Variants in TRDN observed in about 807,000 individuals in gnomAD.
The protein encoded by TRDN is triadin, also known as triadin in skeletal muscle.
A neutral mutation model predicts 149.7 loss-of-function variants in TRDN; 161 were observed. The ratio of observed to expected loss-of-function variants is 1.08; its 90% confidence interval spans 0.95 to 1.23. The LOEUF (loss-of-function observed/expected upper bound fraction) is 1.23, where lower values mean the gene tolerates loss of function less well. Among genes scored for constraint, TRDN ranks in the 50% most tolerant of loss-of-function variants. TRDN has a pLI of 0.00. For synonymous variants in TRDN, 294 were observed against 250.5 expected, an observed-to-expected ratio of 1.17 and a Z score of -1.64; for missense variants, 896 against 823.5, an observed-to-expected ratio of 1.09 and a Z score of -1.08.
intron 1 of TRDN, among the ~76,000 whole-genome samples, chr6:123,588,920 C>T (rs1291074146): frequency 6.6e-6 from 1 of 152,010 alleles, no homozygotes; most frequent in African/African-American, 2.4e-5. Context: ...AAATCATGGC[C>T]AGGATTCCTT....
chr6:123,292,669 C>T (rs553946341), intron 24 of TRDN, among the ~76,000 whole-genome samples: 1 of 152,122 alleles, frequency 6.6e-6, no homozygotes, highest in South Asian at 2.1e-4. Context: ...TCATTGAGTA[C>T]CCCCTCTGCT....
At chr6:123,285,823 A>G (rs1777784264) in intron 24 of TRDN, among the ~76,000 whole-genome samples, 1 of 152,100 alleles carries the variant, frequency 6.6e-6, no homozygotes, top group South Asian at 2.1e-4. Flanking sequence ...TCTACAAGGA[A>G]CTCAAACAAA....
chr6:123,273,341 T>C lies in TRDN; in HGVS notation c.1620A>G (p.Ile540Met), dbSNP rs7771303. ...AKPAISEKVQ[I>M]HKQDIVKPEK... ...AAAGATAAAATTAATACATACTGTGTATTTGCACTTTTTCAGATATAGCTA... is the reference window on the plus strand; with the variant it reads ...AAAGATAAAATTAATACATACTGTGCATTTGCACTTTTTCAGATATAGCTA... Residue 540 changes from isoleucine (I) to methionine (M), a missense_variant, in exon 28 of 41, where the codon ATA becomes ATG. Ile to Met is a conservative substitution (Grantham distance 10). Transcript: ENST00000334268. 7.1e-3 allele frequency: 7,524 copies of C among 1,054,006 alleles called. 238 individuals are homozygous for C. The highest frequency in any genetic ancestry group is 0.063 in the South Asian group (3,739 of 59,316). 65.3% of individuals were successfully genotyped at this position (1,054,006 alleles called of 1,614,324 possible). A position where few individuals can be genotyped will look rare whatever the true frequency, so the allele number is the denominator to read the frequency against.
At chr6:123,453,248 A>T (rs1238909608) in intron 10 of TRDN, among the ~76,000 whole-genome samples, 5 of 152,284 alleles carry the variant, frequency 3.3e-5, no homozygotes, top group Non-Finnish European at 7.4e-5. Context: ...AAACAAAGAT[A>T]AATAGCTGGG....
intron 23 of TRDN, among the ~76,000 whole-genome samples, chr6:123,330,778 T>G (rs1779631583): frequency 6.6e-6 from 1 of 152,072 alleles, no homozygotes; most frequent in Admixed American, 6.6e-5. Flanking sequence ...TTTTATACAT[T>G]GCTACACTCA....
At chr6:123,269,725 A>T (rs1165726364) in intron 31 of TRDN, 124 bp downstream of exon 31, 1 of 847,328 alleles carries the variant, frequency 1.2e-6, no homozygotes, top group Non-Finnish European at 1.8e-6. Context: ...TTAATTTATT[A>T]TTAACAGTTA....
rs375140711 is a variant in TRDN at position 123,347,529 on chromosome 6, GTGTAA to G, written c.1369+5005_1369+5009del. 4.9e-3 allele frequency among the ~76,000 whole-genome samples: 748 copies of G among 152,102 alleles called. 4 individuals carry two copies. The highest frequency in any genetic ancestry group is 0.017 in the African/African-American group (707 of 41,524). ...TTCCTGAGATATTTTTGAAATTTAA[GTGTAA>G]TGTAAAGTATCAGCAAAACTTTAAA... On this transcript the variant is annotated intron_variant, in intron 21 of 40. Transcript: ENST00000334268.
intron 22 of TRDN, 40 bp from the exon 23 acceptor site, chr6:123,331,969 AAG>A (rs1189924304): frequency 6.8e-7 from 1 of 1,474,896 alleles, no homozygotes. Flanking sequence ...AGCCAAGACA[AAG>A]AGATTTTCAG....
chr6:123,528,320 C>T (rs1441457744), intron 5 of TRDN, among the ~76,000 whole-genome samples: 1 of 149,572 alleles, frequency 6.7e-6, no homozygotes, highest in Non-Finnish European at 1.5e-5. Context: ...GGTGTAGACT[C>T]CCAAGGCTCT....
intron 35 of TRDN, 62 bp downstream of exon 35, chr6:123,259,562 G>GT: frequency 8.7e-7 from 1 of 1,143,686 alleles, no homozygotes; most frequent in Non-Finnish European, 1.2e-6. Flanking sequence ...GTATAAATTT[G>GT]TTTTTTGTTC....
At chr6:123,577,902 C>T (rs372270663) in intron 1 of TRDN, among the ~76,000 whole-genome samples, 3 of 152,192 alleles carry the variant, frequency 2.0e-5, no homozygotes, top group East Asian at 3.9e-4. Flanking sequence ...ATTGAGCTTT[C>T]TTCATGTGCT....
chr6:123,600,089 T>C (rs934384037), intron 1 of TRDN, among the ~76,000 whole-genome samples: 3 of 152,070 alleles, frequency 2.0e-5, no homozygotes, highest in African/African-American at 7.2e-5. Flanking sequence ...TGTTATTGAA[T>C]TGGTGTGCAG....
intron 1 of TRDN, among the ~76,000 whole-genome samples, chr6:123,614,301 A>C (rs1340393035): frequency 3.0e-5 from 3 of 99,502 alleles, no homozygotes; most frequent in African/African-American, 6.7e-5. Context: ...AAAAAAAAAC[A>C]AAAAAAAAAA....
intron 13 of TRDN, among the ~76,000 whole-genome samples, chr6:123,388,908 T>C (rs1480444503): frequency 6.6e-6 from 1 of 152,000 alleles, no homozygotes. Flanking sequence ...ACTGGATTAA[T>C]CAAAAAAAGT....
chr6:123,287,450 T>G (rs1257310817), intron 24 of TRDN, among the ~76,000 whole-genome samples: 1 of 152,166 alleles, frequency 6.6e-6, no homozygotes, highest in African/African-American at 2.4e-5. Flanking sequence ...GTGTACCTGA[T>G]GCATGTTGAA....
intron 5 of TRDN, among the ~76,000 whole-genome samples, chr6:123,526,336 C>A (rs1004170397): frequency 6.6e-6 from 1 of 151,862 alleles, no homozygotes; most frequent in African/African-American, 2.4e-5. Flanking sequence ...GTGAGGTCAA[C>A]CAGCAGGAAG....
intron 10 of TRDN, among the ~76,000 whole-genome samples, chr6:123,447,240 C>T (rs1033116363): frequency 3.3e-5 from 5 of 152,184 alleles, no homozygotes; most frequent in Middle Eastern, 3.2e-3. Context: ...TACCCGAGAC[C>T]TTTAGTCATA....
At chr6:123,419,713 T>C (rs1177704117) in intron 12 of TRDN, among the ~76,000 whole-genome samples, 2 of 152,150 alleles carry the variant, frequency 1.3e-5, no homozygotes, top group Non-Finnish European at 2.9e-5. Flanking sequence ...TCTCTGAGAA[T>C]AAAAGAAAGT....
intron 20 of TRDN, among the ~76,000 whole-genome samples, chr6:123,361,303 G>A (rs1040885852): frequency 6.6e-6 from 1 of 152,072 alleles, no homozygotes; most frequent in Admixed American, 6.5e-5. Context: ...AACATTGCAT[G>A]TTCTCACACA....
Sources: gnomAD v4.1 joint callset for allele counts (sites outside exome capture counted in the v4.1 genomes callset) on GRCh38, gnomAD v4.1.1 for gene constraint, MANE v1.5 for transcripts, NCBI Gene and HGNC (gene_info 2026-07-23, HGNC 2026-07-21) for gene names.